The following RARB variants were observed in gnomAD, a reference collection of about 807,000 sequenced individuals.
RARB encodes HBV-activated protein.
In RARB, 17 loss-of-function variants were observed where a neutral mutation model predicts 51.9. The observed-to-expected ratio is 0.33, with a 90% CI of 0.22 to 0.49. The LOEUF is 0.49. Among genes scored for constraint, RARB ranks in the 20% least tolerant of loss-of-function variants. The probability of loss-of-function intolerance (pLI) is 0.99; values close to 1 mark genes in which losing one functional copy is unlikely to be tolerated. For synonymous variants in RARB, 215 were observed against 195.4 expected, an observed-to-expected ratio of 1.10 and a Z score of -0.84; for missense variants, 369 against 550.8, an observed-to-expected ratio of 0.67 and a Z score of 3.30.
At chr3:25,068,821 G>A (rs770744911) in intron 3 of RARB, among the ~76,000 whole-genome samples, 28 of 152,108 alleles carry the variant, frequency 1.8e-4, no homozygotes, top group Non-Finnish European at 2.6e-4. Flanking sequence ...GGGGAAGAGC[G>A]GCTTATCTTC....
At chr3:25,061,764 A>G (rs1243121204) in intron 3 of RARB, among the ~76,000 whole-genome samples, 2 of 151,778 alleles carry the variant, frequency 1.3e-5, no homozygotes, top group Admixed American at 6.6e-5. Context: ...AATAATGACT[A>G]TGGTTTACAA....
intron 1 of RARB, among the ~76,000 whole-genome samples, chr3:25,460,434 T>TTATG (rs1254767766): frequency 9.2e-6 from 1 of 109,084 alleles, no homozygotes; most frequent in Admixed American, 8.2e-5. Context: ...AAATTTTTAT[T>TTATG]TATTTATTTA....
intron 5 of RARB, among the ~76,000 whole-genome samples, chr3:25,232,715 C>T (rs948920996): frequency 2.0e-5 from 3 of 152,026 alleles, no homozygotes; most frequent in African/African-American, 7.2e-5. Context: ...TACAATTATT[C>T]AACTTTACAA....
chr3:25,210,996 T>A (rs1701683280), intron 5 of RARB, among the ~76,000 whole-genome samples: 1 of 152,198 alleles, frequency 6.6e-6, no homozygotes, highest in Non-Finnish European at 1.5e-5. Context: ...TGCCTCAGTT[T>A]CCTCATTGTG....
chr3:24,936,039 G>A (rs1695541480), intron 2 of RARB, among the ~76,000 whole-genome samples: 1 of 152,094 alleles, frequency 6.6e-6, no homozygotes, highest in Admixed American at 6.6e-5. Flanking sequence ...TGAAAATAGT[G>A]TAGTTGCTGA....
chr3:25,456,554 A>ATTTTTTTTTTTTTTTTTTTTTTTTT (rs35056259), intron 1 of RARB, among the ~76,000 whole-genome samples: 1 of 44,118 alleles, frequency 2.3e-5, no homozygotes, highest in Admixed American at 3.0e-4. Flanking sequence ...TATACCACTG[A>ATTTTTTTTTTTTTTTTTTTTTTTTT]TTTTTTTTTT....
intron 2 of RARB, among the ~76,000 whole-genome samples, chr3:24,863,366 ATAGT>A (rs1463242120): frequency 6.6e-6 from 1 of 152,202 alleles, no homozygotes; most frequent in Non-Finnish European, 1.5e-5. Flanking sequence ...TAAAACGCTG[ATAGT>A]TAAACAGTGA....
At chr3:24,945,679 C>A (rs1695758102) in intron 2 of RARB, among the ~76,000 whole-genome samples, 1 of 152,206 alleles carries the variant, frequency 6.6e-6, no homozygotes, top group South Asian at 2.1e-4. Context: ...ATTCCCTTGG[C>A]ACATTTGATT....
intron 5 of RARB, among the ~76,000 whole-genome samples, chr3:25,310,160 T>C (rs1409354137): frequency 1.3e-5 from 2 of 152,208 alleles, no homozygotes; most frequent in Non-Finnish European, 2.9e-5. Context: ...TCTTTCTTTT[T>C]GGCACGGTGA....
At chr3:25,236,482 C>T (rs984729516) in intron 5 of RARB, among the ~76,000 whole-genome samples, 32 of 151,944 alleles carry the variant, frequency 2.1e-4, no homozygotes, top group African/African-American at 6.8e-4. Context: ...AAACAAAAGC[C>T]ATGAACAATA....
chr3:25,113,731 G>T (rs1476263800), intron 3 of RARB, among the ~76,000 whole-genome samples: 1 of 152,132 alleles, frequency 6.6e-6, no homozygotes, highest in Non-Finnish European at 1.5e-5. Context: ...GTTAGGGAAG[G>T]ATCTTGAATT....
chr3:25,378,666 C>T (rs961323457), intron 5 of RARB, among the ~76,000 whole-genome samples: 1 of 152,156 alleles, frequency 6.6e-6, no homozygotes, highest in East Asian at 1.9e-4. Context: ...CTACCCACTA[C>T]ACCAATTTAT....
chr3:25,375,462 G>A (rs1706432116), intron 5 of RARB, among the ~76,000 whole-genome samples: 1 of 152,134 alleles, frequency 6.6e-6, no homozygotes. Context: ...CAATAATATG[G>A]TGATTGTGGA....
At chr3:24,916,587 C>G (rs1338366273) in intron 2 of RARB, among the ~76,000 whole-genome samples, 1 of 151,938 alleles carries the variant, frequency 6.6e-6, no homozygotes, top group African/African-American at 2.4e-5. Flanking sequence ...AACACACTTG[C>G]AGAGAGTGAT....
intron 2 of RARB, among the ~76,000 whole-genome samples, chr3:24,872,809 C>A (rs928618252): frequency 2.6e-5 from 4 of 152,168 alleles, no homozygotes; most frequent in African/African-American, 9.7e-5. Flanking sequence ...TGAACTATAG[C>A]ACCTTCTCTG....
chr3:25,319,477 T>C (rs998846359), intron 5 of RARB, among the ~76,000 whole-genome samples: 1 of 152,210 alleles, frequency 6.6e-6, no homozygotes, highest in African/African-American at 2.4e-5. Flanking sequence ...ATTCTCCTTC[T>C]CAACACATTG....
intron 2 of RARB, among the ~76,000 whole-genome samples, chr3:24,929,220 A>G (rs1031772504): frequency 5.3e-5 from 8 of 152,144 alleles, no homozygotes; most frequent in African/African-American, 1.9e-4. Context: ...ACAACAGGTT[A>G]CTAATGGAAC....
intron 2 of RARB, among the ~76,000 whole-genome samples, chr3:24,889,675 A>AGTGTGTGTGTGTGTGTGTGTGT (rs71057686): frequency 1.3e-4 from 18 of 142,868 alleles, no homozygotes; most frequent in African/African-American, 3.6e-4. Context: ...CACCTCTTAA[A>AGTGTGTGTGTGTGTGTGTGTGT]GTGTGTGTGT....
chr3:25,493,306 CGTT>C (rs961587763), intron 2 of RARB, among the ~76,000 whole-genome samples: 5 of 152,166 alleles, frequency 3.3e-5, no homozygotes, highest in African/African-American at 9.7e-5. Flanking sequence ...ACTTCTCAGA[CGTT>C]GTCACGCATA....
Sources: gnomAD v4.1 joint callset for allele counts (sites outside exome capture counted in the v4.1 genomes callset) on GRCh38, gnomAD v4.1.1 for gene constraint, MANE v1.5 for transcripts, NCBI Gene and HGNC (gene_info 2026-07-23, HGNC 2026-07-21) for gene names.